Variants in ERAP1 observed in about 807,000 individuals in gnomAD.
ERAP1 encodes the protein adipocyte-derived leucine aminopeptidase.
ERAP1 carries 86 observed loss-of-function variants against 103.7 expected under a neutral mutation model. The observed-to-expected ratio is 0.83, with a 90% CI of 0.70 to 0.99. The LOEUF (loss-of-function observed/expected upper bound fraction) is 0.99, where lower values mean the gene tolerates loss of function less well. Ranked by LOEUF, ERAP1 falls within the 50% of genes least tolerant of loss-of-function variation. The probability of loss-of-function intolerance (pLI) is 0.00; values close to 1 mark genes in which losing one functional copy is unlikely to be tolerated. For missense variants in ERAP1, 1,009 were observed against 1,128.4 expected (o/e 0.89, Z 1.52); for synonymous variants, 398 against 402.4 (o/e 0.99, Z 0.13).
chr5:96,803,495 C>T lies in ERAP1; in HGVS notation c.432G>A (p.Pro144=), dbSNP rs147576297. 9.2e-5 allele frequency: 149 copies of T among 1,613,232 alleles called. No homozygotes were observed. The highest frequency in any genetic ancestry group is 1.2e-4 in the Non-Finnish European group (141 of 1,179,552). The part of the protein sequence containing the change: ...LAPEPLLVGL[P]YTVVIHYAGN... ...CAGCATAGTGAATGACAACTGTGTACGGGAGCCCGACAAGGAGGGGCTCGG... is the reference window on the plus strand; with the variant it reads ...CAGCATAGTGAATGACAACTGTGTATGGGAGCCCGACAAGGAGGGGCTCGG... Residue 144 remains proline, a synonymous_variant, in exon 2 of 19, where the codon CCG becomes CCA. Transcript: ENST00000443439.
chr5:96,881,657 C>T, the ERAP1 span, among the ~76,000 whole-genome samples: 15 of 152,154 alleles, frequency 9.9e-5, no homozygotes, highest in Admixed American at 9.8e-4. Context: ...CATCCAGGAC[C>T]CAGGCTCCTT....
the ERAP1 span, chr5:96,909,789 C>G: frequency 6.2e-7 from 1 of 1,604,096 alleles, no homozygotes; most frequent in African/African-American, 1.3e-5. Context: ...CTGTCCTACC[C>G]TTTGTTCTTT....
chr5:96,819,834 A>G, the ERAP1 span, among the ~76,000 whole-genome samples: 1 of 152,222 alleles, frequency 6.6e-6, no homozygotes, highest in Non-Finnish European at 1.5e-5. Context: ...ATTTCTTAGG[A>G]CATCATCAAA....
At position 96,763,057 on chromosome 5, in the gene ERAP1, A is replaced by C. The variant is rs1459283840; in HGVS notation, c.*143T>G. On this transcript the variant is annotated 3_prime_UTR_variant, in exon 20 of 20. Coordinates refer to the ERAP1 transcript ENST00000296754. ...TTATAAAGGGATTGCCCTAAACCAG[A>C]TCCCCATCTCCTTTGGTTGAGAACA... 311 of 761,264 alleles carry C rather than the reference A, an allele frequency of 4.1e-4. 1 individual carries two copies. Among genetic ancestry groups the C allele is most frequent in the Non-Finnish European group, 3.6e-5 (15 of 412,520 alleles). The allele number at this position is 761,264 out of a possible 1,614,324, so 47.2% of individuals were successfully genotyped here.
At chr5:96,893,720 C>T in the ERAP1 span, among the ~76,000 whole-genome samples, 2 of 152,236 alleles carry the variant, frequency 1.3e-5, no homozygotes, top group Admixed American at 1.3e-4. Context: ...TTTGTCTTCC[C>T]ATTGATTACC....
the ERAP1 span, among the ~76,000 whole-genome samples, chr5:96,891,450 T>TAC: frequency 3.4e-5 from 5 of 148,618 alleles, no homozygotes; most frequent in Non-Finnish European, 5.9e-5. Context: ...TATATGTATA[T>TAC]ACACACACAC....
chr5:96,900,843 AT>A, the ERAP1 span, among the ~76,000 whole-genome samples: 1 of 151,914 alleles, frequency 6.6e-6, no homozygotes, highest in Admixed American at 6.6e-5. Flanking sequence ...TGCCCGGCTA[AT>A]TTTTTTGTAT....
chr5:96,855,570 ACTGT>A, the ERAP1 span, among the ~76,000 whole-genome samples: 1 of 152,222 alleles, frequency 6.6e-6, no homozygotes, highest in Non-Finnish European at 1.5e-5. Context: ...TACAGTGAAG[ACTGT>A]CTGTTCCTTT....
the ERAP1 span, among the ~76,000 whole-genome samples, chr5:96,913,973 C>T: frequency 3.9e-3 from 598 of 152,300 alleles, no homozygotes; most frequent in Non-Finnish European, 6.5e-3. Flanking sequence ...AGCCCTCCCT[C>T]CAAATTGTTT....
At chr5:96,835,369 A>G in the ERAP1 span, among the ~76,000 whole-genome samples, 1 of 152,204 alleles carries the variant, frequency 6.6e-6, no homozygotes, top group Non-Finnish European at 1.5e-5. Context: ...TTTAAGCCAC[A>G]TGAATTGCTA....
chr5:96,920,884 A>C, the ERAP1 span, among the ~76,000 whole-genome samples: 5 of 152,236 alleles, frequency 3.3e-5, no homozygotes, highest in African/African-American at 7.2e-5. Context: ...TGTGTATTTC[A>C]TATAATCTTC....
the ERAP1 span, among the ~76,000 whole-genome samples, chr5:96,901,999 T>C: frequency 6.6e-6 from 1 of 152,208 alleles, no homozygotes; most frequent in African/African-American, 2.4e-5. Context: ...CAGCAGAAAT[T>C]GTTATGGTAT....
the ERAP1 span, among the ~76,000 whole-genome samples, chr5:96,932,213 C>T: frequency 6.6e-6 from 1 of 152,168 alleles, no homozygotes; most frequent in Non-Finnish European, 1.5e-5. Flanking sequence ...TCCTTCGGTC[C>T]TTAGGGTGGC....
the ERAP1 span, among the ~76,000 whole-genome samples, chr5:96,932,787 G>A: frequency 1.3e-5 from 2 of 152,050 alleles, no homozygotes; most frequent in African/African-American, 4.8e-5. Flanking sequence ...GTTTTTCAGG[G>A]TGCTTATATT....
At chr5:96,872,854 T>C in the ERAP1 span, among the ~76,000 whole-genome samples, 1 of 152,172 alleles carries the variant, frequency 6.6e-6, no homozygotes, top group Admixed American at 6.5e-5. Context: ...TTAAATCTGT[T>C]GAGAACACCC....
chr5:96,767,917 A>T, intron 19 of ERAP1: 1 of 1,612,626 alleles, frequency 6.2e-7, no homozygotes, highest in Non-Finnish European at 8.5e-7. Context: ...AAACCTGCAG[A>T]TGACCAAGAC....
At position 96,780,403 on chromosome 5, in the gene ERAP1, T is replaced by C. The variant is rs747347057; in HGVS notation, c.2670+20A>G. The C allele has an allele frequency of 6.6e-6, 10 of 1,515,002 alleles. No individual in the cohort carries two copies. The highest frequency in any genetic ancestry group is 1.9e-5 in the Admixed American group (1 of 53,602). The allele number at this position is 1,515,002 out of a possible 1,614,324, so 93.8% of individuals were successfully genotyped here. On this transcript the variant is annotated intron_variant, in intron 18 of 18. Coordinates refer to ENST00000443439, the MANE Select transcript of ERAP1 (RefSeq NM_001040458.3). ...TTTCATTTATGTTTAAAAATATATA[T>C]ATAGATTTTTTTTTTTTACCTCTTC...
chr5:96,767,368 T>A, intron 19 of ERAP1: 1 of 1,268,250 alleles, frequency 7.9e-7, no homozygotes, highest in Non-Finnish European at 1.1e-6. Flanking sequence ...CAATAGATTC[T>A]CTACTGCCTA....
the ERAP1 span, among the ~76,000 whole-genome samples, chr5:96,865,067 A>T: frequency 0.64 from 96,854 of 151,982 alleles, 31,229 homozygotes; most frequent in Middle Eastern, 0.73. Context: ...TTTTCTATGG[A>T]TTTTTAGCCA....
Sources: gnomAD v4.1 joint callset for allele counts (sites outside exome capture counted in the v4.1 genomes callset) on GRCh38, gnomAD v4.1.1 for gene constraint, MANE v1.5 for transcripts, NCBI Gene and HGNC (gene_info 2026-07-23, HGNC 2026-07-21) for gene names.